The following IL1RAPL1 variants were observed in gnomAD, a reference collection of about 807,000 sequenced individuals.
IL1RAPL1 encodes interleukin-1 receptor accessory protein-like 1.
Under a neutral mutation model 48.4 loss-of-function variants are expected in IL1RAPL1, and 3 were observed. The observed-to-expected ratio is 0.06, with a 90% CI of 0.03 to 0.16. IL1RAPL1 has a LOEUF of 0.16. IL1RAPL1 is among the 10% of genes least tolerant of loss of function. IL1RAPL1 has a pLI of 1.00. For synonymous variants in IL1RAPL1, 185 were observed against 187.7 expected (o/e 0.99, Z 0.12); for missense variants, 349 against 530.6 (o/e 0.66, Z 3.36).
chrX:29,735,799 C>T (rs1419153915), intron 6 of IL1RAPL1, among the ~76,000 whole-genome samples: 3 of 111,868 alleles, frequency 2.7e-5, no homozygotes, highest in Non-Finnish European at 5.6e-5. Flanking sequence ...TTATTTTCTT[C>T]ACATATTTTT....
At chrX:29,834,196 C>G (rs1601844608) in intron 6 of IL1RAPL1, among the ~76,000 whole-genome samples, 1 of 112,455 alleles carries the variant, frequency 8.9e-6, no homozygotes, top group East Asian at 2.8e-4. Context: ...GCTAAGAGAG[C>G]TTGCCATAAA....
At chrX:28,819,987 TATATA>T (rs1235725639) in intron 2 of IL1RAPL1, among the ~76,000 whole-genome samples, 2 of 77,561 alleles carry the variant, frequency 2.6e-5, no homozygotes, top group Non-Finnish European at 5.0e-5. Context: ...TATATATATA[TATATA>T]TATATATATA....
intron 7 of IL1RAPL1, among the ~76,000 whole-genome samples, chrX:29,919,040 AAAAG>A (rs760633187): frequency 6.5e-3 from 726 of 112,016 alleles, no homozygotes; most frequent in Non-Finnish European, 0.011. Context: ...TCAAAGGTAA[AAAAG>A]AAAATGATTT....
At chrX:29,124,358 T>C (rs1274338228) in intron 2 of IL1RAPL1, among the ~76,000 whole-genome samples, 2 of 112,494 alleles carry the variant, frequency 1.8e-5, no homozygotes, top group African/African-American at 3.2e-5. Flanking sequence ...GTCACTAATA[T>C]ATAGTAATTA....
At chrX:29,414,366 CA>C (rs1421897967) in intron 5 of IL1RAPL1, among the ~76,000 whole-genome samples, 2 of 111,528 alleles carry the variant, frequency 1.8e-5, no homozygotes, top group Non-Finnish European at 3.8e-5. Context: ...TATATCTTAC[CA>C]CACAAAAAAA....
intron 1 of IL1RAPL1, among the ~76,000 whole-genome samples, chrX:28,732,271 A>T (rs1935764367): frequency 1.8e-5 from 2 of 111,918 alleles, no homozygotes; most frequent in Non-Finnish European, 3.8e-5. Flanking sequence ...ATTTTTAAAC[A>T]TTTTTTTAGC....
Position 28,819,967 on chromosome X carries a change from GATATATATATATATATATATATATAT to G in IL1RAPL1, c.82+30564_82+30589del, listed in dbSNP as rs764635166. 9.7e-4 allele frequency among the ~76,000 whole-genome samples: 26 copies of G among 26,746 alleles called. 1 individual carries two copies. Among genetic ancestry groups the G allele is most frequent in the South Asian group, 5.4e-3 (2 of 368 alleles). The allele number at this position is 26,746 out of a possible 115,157, so 23.2% of individuals were successfully genotyped here. On this transcript the variant is annotated intron_variant, in intron 2 of 10. Transcript: ENST00000378993. ...TTTGTGATTACTGCATAAACATAGT[GATATATATATATATATATATATATAT>G]ATATATATATATATATATATACATG...
At position 28,628,374 on chromosome X, in the gene IL1RAPL1, G is replaced by A. The variant is rs186128293; in HGVS notation, c.-25+40327G>A. Among the ~76,000 whole-genome samples the A allele has an allele frequency of 1.9e-4, 21 of 112,103 alleles. No individual in the cohort carries two copies. In the Admixed American group the frequency reaches 2.0e-3, roughly 11 times the overall value. ...ATTGCAAAGTGTGTGGACACAGGGA[G>A]GGGCAAAGAATTGTGGTGTTTTTGC... On this transcript the variant is annotated intron_variant, in intron 1 of 10. Transcript: ENST00000378993.
intron 2 of IL1RAPL1, among the ~76,000 whole-genome samples, chrX:29,005,529 G>A (rs1409498443): frequency 4.5e-5 from 5 of 111,280 alleles, no homozygotes; most frequent in African/African-American, 1.3e-4. Flanking sequence ...ACGTTTTATC[G>A]GTTCTTTTAA....
intron 6 of IL1RAPL1, among the ~76,000 whole-genome samples, chrX:29,914,521 A>T (rs1308234789): frequency 9.0e-6 from 1 of 111,511 alleles, no homozygotes; most frequent in Non-Finnish European, 1.9e-5. Context: ...TAAAAACTTA[A>T]ACTTGGTCTT....
intron 5 of IL1RAPL1, among the ~76,000 whole-genome samples, chrX:29,491,753 G>A (rs1569323016): frequency 9.0e-6 from 1 of 110,629 alleles, no homozygotes; most frequent in East Asian, 2.8e-4. Flanking sequence ...AATCGCCCAG[G>A]CGTTTCAGTT....
At chrX:29,391,744 A>G (rs1023077971) in intron 3 of IL1RAPL1, among the ~76,000 whole-genome samples, 5 of 111,759 alleles carry the variant, frequency 4.5e-5, no homozygotes, top group African/African-American at 1.6e-4. Flanking sequence ...CTATATCTAT[A>G]TCTATTATCA....
chrX:29,070,914 T>C (rs969603560), intron 2 of IL1RAPL1, among the ~76,000 whole-genome samples: 3 of 111,257 alleles, frequency 2.7e-5, no homozygotes, highest in Middle Eastern at 4.8e-3. Context: ...TCTAACCATA[T>C]TGCACAAAAA....
chrX:28,837,868 T>C (rs2147290285), intron 2 of IL1RAPL1, among the ~76,000 whole-genome samples: 1 of 108,014 alleles, frequency 9.3e-6, no homozygotes, highest in Non-Finnish European at 1.9e-5. Flanking sequence ...AAGCCCCATC[T>C]CTTACCCCTT....
chrX:28,863,676 C>A (rs1171859587), intron 2 of IL1RAPL1, among the ~76,000 whole-genome samples: 1 of 111,478 alleles, frequency 9.0e-6, no homozygotes, highest in Non-Finnish European at 1.9e-5. Context: ...GTGACTACTA[C>A]TATACCTAGA....
intron 2 of IL1RAPL1, among the ~76,000 whole-genome samples, chrX:29,174,334 G>C (rs1383240104): frequency 1.8e-5 from 2 of 112,370 alleles, no homozygotes; most frequent in Non-Finnish European, 3.7e-5. Context: ...CATAATTTCA[G>C]ACAAAGATTT....
chrX:29,694,708 T>C (rs1926862635), intron 6 of IL1RAPL1, among the ~76,000 whole-genome samples: 1 of 111,598 alleles, frequency 9.0e-6, no homozygotes, highest in African/African-American at 3.3e-5. Flanking sequence ...CTCAGGGCTT[T>C]ATTTTTTATA....
chrX:28,723,589 C>T (rs192587599), intron 1 of IL1RAPL1, among the ~76,000 whole-genome samples: 15 of 111,631 alleles, frequency 1.3e-4, no homozygotes, highest in Middle Eastern at 9.3e-3. Context: ...GTGTCTCTAT[C>T]TCCTTCAGTT....
chrX:29,335,948 G>A (rs910630945), intron 3 of IL1RAPL1, among the ~76,000 whole-genome samples: 4 of 109,457 alleles, frequency 3.7e-5, no homozygotes, highest in South Asian at 7.6e-4. Flanking sequence ...ACAGTCGTGC[G>A]TATGTAAATA....
Sources: gnomAD v4.1 joint callset for allele counts (sites outside exome capture counted in the v4.1 genomes callset) on GRCh38, gnomAD v4.1.1 for gene constraint, MANE v1.5 for transcripts, NCBI Gene and HGNC (gene_info 2026-07-23, HGNC 2026-07-21) for gene names.